Variants in INPP5F observed in about 807,000 individuals in gnomAD.
INPP5F encodes the protein inositol polyphosphate-5-phosphatase F, also known as phosphatidylinositide 4-phosphatase SAC2.
Under a neutral mutation model 137.2 loss-of-function variants are expected in INPP5F, and 97 were observed. The observed-to-expected ratio is 0.71, with a 90% CI of 0.60 to 0.84. The LOEUF is 0.84. Ranked by LOEUF, INPP5F falls within the 40% of genes least tolerant of loss-of-function variation. The pLI is 0.00. For missense variants in INPP5F, 1,271 were observed against 1,371.9 expected, an observed-to-expected ratio of 0.93 and a Z score of 1.16; for synonymous variants, 504 against 476.9, an observed-to-expected ratio of 1.06 and a Z score of -0.74.
At chr10:119,760,784 G>T (rs1848987797) in intron 2 of INPP5F, among the ~76,000 whole-genome samples, 1 of 152,160 alleles carries the variant, frequency 6.6e-6, no homozygotes, top group South Asian at 2.1e-4. Context: ...ATAACCTCCA[G>T]CCTTGAAGCA....
rs1017075709 is a variant in INPP5F at position 119,821,405 on chromosome 10, T to C, written c.1958+488T>C. Among the ~76,000 whole-genome samples the C allele has an allele frequency of 8.5e-5, 13 of 152,166 alleles. No homozygotes were observed. The East Asian group carries it at 2.1e-3, about 25-fold the overall frequency. On this transcript the variant is annotated intron_variant, in intron 16 of 19. Transcript: ENST00000650623. ...TTGGTTACAAGGGTATGATGAATTA[T>C]GACTTTTGTGGTTTGTTGTCAGATT...
chr10:119,822,952 T>G (rs1851620570), intron 17 of INPP5F, 119 bp from the exon 18 acceptor site: 7 of 968,830 alleles, frequency 7.2e-6, no homozygotes, highest in African/African-American at 6.6e-5. Context: ...CACCAGAAGT[T>G]TGTATTTTGT....
At position 119,787,016 on chromosome 10, in the gene INPP5F, C is replaced by T. The variant is rs535360527; in HGVS notation, c.316-4501C>T. Among the ~76,000 whole-genome samples, 1 of 152,048 alleles carries T rather than the reference C, an allele frequency of 6.6e-6. No homozygotes were observed. Among genetic ancestry groups the T allele is most frequent in the Non-Finnish European group, 1.5e-5 (1 of 68,016 alleles). On this transcript the variant is annotated intron_variant, in intron 3 of 19. Transcript: ENST00000650623. The surrounding 1 kb of genome is among the most constrained non-coding windows in gnomAD (Gnocchi z 4.1). ...GGTTATTCCCTGTATTTTCTACCCT[C>T]TAAAGTGGTTCTGGAGCATTACCCC...
intron 12 of INPP5F, 54 bp downstream of exon 12, chr10:119,806,534 C>A: frequency 1.4e-6 from 2 of 1,479,052 alleles, no homozygotes; most frequent in Non-Finnish European, 1.8e-6. Flanking sequence ...CTTTTTTTTT[C>A]CATGAGTAAG....
intron 3 of INPP5F, among the ~76,000 whole-genome samples, chr10:119,786,957 G>A (rs528785275): frequency 6.6e-6 from 1 of 152,024 alleles, no homozygotes; most frequent in East Asian, 1.9e-4. Flanking sequence ...GGCCATATTT[G>A]TTTTAGAATT....
chr10:119,741,080 G>A (rs1848360491), intron 1 of INPP5F, among the ~76,000 whole-genome samples: 2 of 152,186 alleles, frequency 1.3e-5, no homozygotes, highest in South Asian at 2.1e-4. Context: ...GAAGCTGAGA[G>A]GGGTTCAGAG....
intron 1 of INPP5F, among the ~76,000 whole-genome samples, chr10:119,727,963 A>G (rs998426892): frequency 6.6e-6 from 1 of 152,220 alleles, no homozygotes; most frequent in Admixed American, 6.5e-5. Context: ...TTAGAACTGG[A>G]TGGGACTTAA....
At chr10:119,760,389 A>G (rs1284378982) in intron 2 of INPP5F, among the ~76,000 whole-genome samples, 1 of 152,170 alleles carries the variant, frequency 6.6e-6, no homozygotes, top group Non-Finnish European at 1.5e-5. Context: ...ACAGTGTGCT[A>G]TGATCATGCC....
chr10:119,809,574 G>A (rs577376050), intron 13 of INPP5F, among the ~76,000 whole-genome samples: 1 of 152,274 alleles, frequency 6.6e-6, no homozygotes, highest in South Asian at 2.1e-4. Flanking sequence ...AAACAAAACA[G>A]TTTAAGTTGT....
At chr10:119,774,393 G>A (rs564591933) in intron 2 of INPP5F, among the ~76,000 whole-genome samples, 3 of 152,084 alleles carry the variant, frequency 2.0e-5, no homozygotes, top group Admixed American at 1.3e-4. Flanking sequence ...CAGGCTCATG[G>A]TGCTTTCATG....
chr10:119,744,565 AT>A (rs1282964211), intron 1 of INPP5F, among the ~76,000 whole-genome samples: 4 of 149,488 alleles, frequency 2.7e-5, no homozygotes, highest in Non-Finnish European at 6.0e-5. Flanking sequence ...TTTTTGTTTT[AT>A]TTTGAGATGG....
intron 15 of INPP5F, among the ~76,000 whole-genome samples, chr10:119,814,056 T>C (rs1179266460): frequency 2.0e-5 from 3 of 152,328 alleles, no homozygotes; most frequent in South Asian, 4.1e-4. Context: ...GACTTCCCGA[T>C]AACAGGGAGC....
At chr10:119,732,500 C>CTTTCTT (rs1732453401) in intron 1 of INPP5F, among the ~76,000 whole-genome samples, 1 of 115,568 alleles carries the variant, frequency 8.7e-6, no homozygotes, top group East Asian at 2.6e-4. Context: ...TTTCTTTTTT[C>CTTTCTT]TTTTTTTTTT....
At chr10:119,728,390 A>C (rs1043847558) in intron 1 of INPP5F, among the ~76,000 whole-genome samples, 2 of 152,252 alleles carry the variant, frequency 1.3e-5, no homozygotes, top group African/African-American at 4.8e-5. Context: ...TTAATTGAAT[A>C]AGTGCTTTTC....
intron 3 of INPP5F, among the ~76,000 whole-genome samples, chr10:119,783,735 GGGAAAGAGATTATATTCAAATAAAAA>G (rs1849782650): frequency 2.0e-5 from 3 of 152,266 alleles, no homozygotes; most frequent in South Asian, 4.1e-4. Flanking sequence ...GATAGTCTAA[GGGAAAGAGATTATATTCAAATAAAAA>G]GGAAGTGAGA....
chr10:119,726,559 AC>A (rs1262663654), intron 1 of INPP5F, among the ~76,000 whole-genome samples, 200 bp downstream of exon 1: 1 of 151,978 alleles, frequency 6.6e-6, no homozygotes, highest in Admixed American at 6.5e-5. Flanking sequence ...CCGAGCCCCT[AC>A]CCCAGTGCGG....
chr10:119,795,541 C>G (rs1423283684), intron 6 of INPP5F, among the ~76,000 whole-genome samples: 1 of 151,544 alleles, frequency 6.6e-6, no homozygotes, highest in African/African-American at 2.4e-5. Context: ...AGAGGCGCTC[C>G]TCACTTCCTA....
intron 1 of INPP5F, among the ~76,000 whole-genome samples, chr10:119,749,867 C>T (rs1848642851): frequency 6.6e-6 from 1 of 152,202 alleles, no homozygotes; most frequent in Non-Finnish European, 1.5e-5. Flanking sequence ...CAACCTTCAC[C>T]TCCTAGGTTC....
intron 13 of INPP5F, 101 bp from the exon 14 acceptor site, chr10:119,809,999 A>C: frequency 1.4e-6 from 1 of 711,792 alleles, no homozygotes; most frequent in South Asian, 1.7e-5. Flanking sequence ...TGGAAATTAT[A>C]AAAGCCTGTA....
Sources: allele counts gnomAD v4.1 joint callset (sites outside exome capture counted in the v4.1 genomes callset), GRCh38; gene constraint gnomAD v4.1.1; non-coding constraint Gnocchi (gnomAD v3.1); transcripts MANE v1.5; gene names NCBI Gene and HGNC (gene_info 2026-07-23, HGNC 2026-07-21).